The following ABLIM2 variants were observed in gnomAD, a reference collection of about 807,000 sequenced individuals.
ABLIM2 encodes actin binding LIM protein family member 2, also known as actin-binding LIM protein 2.
A neutral mutation model predicts 97.7 loss-of-function variants in ABLIM2; 53 were observed. That is an observed-to-expected ratio of 0.54 (90% confidence interval 0.44 to 0.68). The LOEUF (loss-of-function observed/expected upper bound fraction) is 0.68. Among genes scored for constraint, ABLIM2 ranks in the 30% least tolerant of loss-of-function variants. ABLIM2 has a pLI of 0.00. For missense variants in ABLIM2, 835 were observed against 867.2 expected (o/e 0.96, Z 0.47); for synonymous variants, 361 against 345.8 (o/e 1.04, Z -0.49).
At chr4:7,983,629 C>G in intron 18 of ABLIM2, 75 bp from the exon 19 acceptor site, 1 of 1,566,910 alleles carries the variant, frequency 6.4e-7, no homozygotes, top group Non-Finnish European at 8.7e-7. Flanking sequence ...AGTGCAATCC[C>G]TGCCCTGGGG....
chr4:8,029,616 C>G, intron 11 of ABLIM2, 40 bp downstream of exon 11: 1 of 1,275,610 alleles, frequency 7.8e-7, no homozygotes, highest in Admixed American at 3.4e-5. Flanking sequence ...AGGAAAAGGA[C>G]AGCATCCTGG....
chr4:8,139,509 G>A (rs988084996), intron 1 of ABLIM2, among the ~76,000 whole-genome samples: 4 of 152,134 alleles, frequency 2.6e-5, no homozygotes, highest in African/African-American at 7.2e-5. Flanking sequence ...AAAGCTCAAC[G>A]TCAATGATCA....
At chr4:8,025,686 G>A (rs1051168573) in intron 12 of ABLIM2, among the ~76,000 whole-genome samples, 4 of 152,174 alleles carry the variant, frequency 2.6e-5, no homozygotes, top group South Asian at 2.1e-4. Context: ...GACCCACAGA[G>A]GCTGCTCACA....
Position 8,021,152 on chromosome 4 carries a change from T to G in ABLIM2, c.1268-849A>C, listed in dbSNP as rs373582314. 2.0e-5 allele frequency among the ~76,000 whole-genome samples: 3 copies of G among 152,184 alleles called. No homozygotes were observed. In the South Asian group the frequency reaches 6.2e-4, roughly 32 times the overall value. ...ATTACAGGCATGAGCCACCGCACCC[T>G]GGCCACATTCTTAAATACAACTGCT... On this transcript the variant is annotated intron_variant, in intron 12 of 20. Transcript: ENST00000447017. This position sits in a 1 kb window ranked among gnomAD's most constrained non-coding sequence, Gnocchi z 5.5.
At chr4:7,993,142 C>A (rs113235836) in intron 16 of ABLIM2, among the ~76,000 whole-genome samples, 10 of 152,304 alleles carry the variant, frequency 6.6e-5, no homozygotes, top group African/African-American at 1.4e-4. Context: ...TGAGCCTGCC[C>A]GTGACACCGG....
At chr4:8,151,829 G>A (rs1355781617) in intron 1 of ABLIM2, among the ~76,000 whole-genome samples, 1 of 150,728 alleles carries the variant, frequency 6.6e-6, no homozygotes, top group Non-Finnish European at 1.5e-5. Flanking sequence ...GGAACAGATG[G>A]GCCCTGGGGG....
In ABLIM2 at chr4:8,122,602, C is replaced by G. The variant is rs564804836; in HGVS notation, c.11-15965G>C. Among the ~76,000 whole-genome samples, 1 of 152,178 alleles carries G rather than the reference C, an allele frequency of 6.6e-6. No homozygotes were observed. The highest frequency in any genetic ancestry group is 1.5e-5 in the Non-Finnish European group (1 of 68,022). On this transcript the variant is annotated intron_variant, in intron 1 of 20. Transcript: ENST00000447017. This position sits in a 1 kb window ranked among gnomAD's most constrained non-coding sequence, Gnocchi z 4.1. ...AAACCCCATCACCTCCCCAAGGCCCCTCCTCCAAATAGCGTCACCCTGGGG... is the reference window on the plus strand; with the variant it reads ...AAACCCCATCACCTCCCCAAGGCCCGTCCTCCAAATAGCGTCACCCTGGGG...
chr4:8,154,985 C>A (rs1051637017), intron 1 of ABLIM2, among the ~76,000 whole-genome samples: 1 of 152,200 alleles, frequency 6.6e-6, no homozygotes, highest in African/African-American at 2.4e-5. Context: ...CACCAGCTAT[C>A]GCCAGCCTTA....
intron 17 of ABLIM2, among the ~76,000 whole-genome samples, chr4:7,985,676 G>A (rs1474761674): frequency 6.6e-6 from 1 of 152,164 alleles, no homozygotes; most frequent in Non-Finnish European, 1.5e-5. Flanking sequence ...CATGTTGTAA[G>A]TACCCATACA....
rs941199240 is a variant in ABLIM2, at chr4:8,088,343, C to G, written c.339-59G>C. The G allele has an allele frequency of 1.3e-5, 19 of 1,428,396 alleles. No individual in the cohort carries two copies. In the Middle Eastern group the frequency reaches 5.3e-4, roughly 40 times the overall value. 88.5% of individuals were successfully genotyped at this position (1,428,396 alleles called of 1,614,324 possible). On this transcript the variant is annotated intron_variant, in intron 3 of 20. Transcript: ENST00000447017. ...ACCTTCTGGCTCCTCTCTGGGGGAG[C>G]CCTGTCCCAGTGCAGGAGACCAGGG...
At position 8,071,157 on chromosome 4, in the gene ABLIM2, C is replaced by T. The variant is rs988921750; in HGVS notation, c.675+6471G>A. Among the ~76,000 whole-genome samples the T allele has an allele frequency of 6.1e-5, 7 of 115,194 alleles. No individual in the cohort carries two copies. Among genetic ancestry groups the T allele is most frequent in the Non-Finnish European group, 1.2e-4 (7 of 56,314 alleles). 75.6% of individuals were successfully genotyped at this position (115,194 alleles called of 152,430 possible). ...TTCGCCAGCTGAGTCCCAGCTCCCT[C>T]TGTGGGGGCAGCGCCATCCGTCCCC... On this transcript the variant is annotated intron_variant, in intron 6 of 20. Coordinates refer to ENST00000447017, the MANE Select transcript of ABLIM2 (RefSeq NM_001130083.2). This position sits in a 1 kb window ranked among gnomAD's most constrained non-coding sequence, Gnocchi z 6.2.
intron 6 of ABLIM2, among the ~76,000 whole-genome samples, chr4:8,070,376 G>A (rs1381003816): frequency 6.6e-6 from 1 of 151,932 alleles, no homozygotes; most frequent in Non-Finnish European, 1.5e-5. Flanking sequence ...TTAGCTGTGG[G>A]GGTGGCACTA....
At chr4:8,041,857 T>A (rs1416177035) in intron 9 of ABLIM2, among the ~76,000 whole-genome samples, 2 of 151,322 alleles carry the variant, frequency 1.3e-5, no homozygotes, top group Admixed American at 1.3e-4. Context: ...TGAGCTGAGA[T>A]TGCACCACTG....
Position 8,044,396 on chromosome 4 carries a change from A to T in ABLIM2, c.900+768T>A, listed in dbSNP as rs1214363993. Among the ~76,000 whole-genome samples the T allele has an allele frequency of 6.6e-6, 1 of 152,062 alleles. No individual in the cohort carries two copies. The highest frequency in any genetic ancestry group is 1.5e-5 in the Non-Finnish European group (1 of 68,014). Reference sequence around the variant, plus strand: ...CCTCGCCTAGATAAGGAATTTTGGTATTTACACAAGCAATATTAGCAAACA... The same window carrying T: ...CCTCGCCTAGATAAGGAATTTTGGTTTTTACACAAGCAATATTAGCAAACA... On this transcript the variant is annotated intron_variant, in intron 9 of 20. Transcript: ENST00000447017. This position sits in a 1 kb window ranked among gnomAD's most constrained non-coding sequence, Gnocchi z 4.4.
chr4:8,047,651 G>A (rs572709202), intron 8 of ABLIM2, among the ~76,000 whole-genome samples: 8 of 152,318 alleles, frequency 5.3e-5, no homozygotes, highest in East Asian at 3.9e-4. Context: ...GGGCCAGGTC[G>A]AATGTTTTAC....
chr4:8,148,632 G>A lies in ABLIM2; in HGVS notation c.10+10048C>T, dbSNP rs1311555058. On this transcript the variant is annotated intron_variant, in intron 1 of 20. Transcript: ENST00000447017. This position sits in a 1 kb window ranked among gnomAD's most constrained non-coding sequence, Gnocchi z 6.7. ...TGCTGGGTCCACACTGGGGAAGCGCGTAAGCCGTTCCCCCGTGGGCATGCA... is the reference window on the plus strand; with the variant it reads ...TGCTGGGTCCACACTGGGGAAGCGCATAAGCCGTTCCCCCGTGGGCATGCA... Among the ~76,000 whole-genome samples, 6 of 146,986 alleles carry A rather than the reference G, an allele frequency of 4.1e-5. No homozygotes were observed. Among genetic ancestry groups the A allele is most frequent in the African/African-American group, 1.3e-4 (5 of 38,662 alleles).
chr4:8,110,649 G>A (rs1052698434), intron 1 of ABLIM2, among the ~76,000 whole-genome samples: 2 of 152,124 alleles, frequency 1.3e-5, no homozygotes, highest in East Asian at 1.9e-4. Flanking sequence ...ATACTTGGTC[G>A]GGGGTGGCGG....
intron 3 of ABLIM2, among the ~76,000 whole-genome samples, chr4:8,090,070 C>A (rs1826303455): frequency 6.6e-6 from 1 of 152,202 alleles, no homozygotes. Flanking sequence ...TGGGCCAGTA[C>A]CTTCTGGGGA....
In ABLIM2 at chr4:8,037,033, T is replaced by C. The variant is rs183689995; in HGVS notation, c.901-738A>G. On this transcript the variant is annotated intron_variant, in intron 9 of 20. Coordinates refer to ENST00000447017, the MANE Select transcript of ABLIM2 (RefSeq NM_001130083.2). The stretch of plus-strand genomic sequence containing the variant: ...CCTCCCATTTGCTTAAAACCATCTC[T>C]TGGTGATTTGTAATGCCTAACACAA... 2.4e-3 allele frequency among the ~76,000 whole-genome samples: 366 copies of C among 152,330 alleles called. 3 individuals carry two copies. Among genetic ancestry groups the C allele is most frequent in the African/African-American group, 8.3e-3 (344 of 41,560 alleles).
Sources: allele counts gnomAD v4.1 joint callset (sites outside exome capture counted in the v4.1 genomes callset), GRCh38; gene constraint gnomAD v4.1.1; non-coding constraint Gnocchi (gnomAD v3.1); transcripts MANE v1.5; gene names NCBI Gene and HGNC (gene_info 2026-07-23, HGNC 2026-07-21).